The following ABR variants were observed in gnomAD, a reference collection of about 807,000 sequenced individuals.
ABR encodes the protein active breakpoint cluster region-related protein.
A neutral mutation model predicts 107.2 loss-of-function variants in ABR; 35 were observed. That is an observed-to-expected ratio of 0.33 (90% CI 0.25 to 0.43). The LOEUF (loss-of-function observed/expected upper bound fraction) is 0.43, where lower values mean the gene tolerates loss of function less well. Among genes scored for constraint, ABR ranks in the 20% least tolerant of loss-of-function variants. ABR has a pLI of 1.00. For synonymous variants in ABR, 498 were observed against 462.0 expected, an observed-to-expected ratio of 1.08 and a Z score of -1.00; for missense variants, 815 against 1,115.2, an observed-to-expected ratio of 0.73 and a Z score of 3.83.
At chr17:1,103,786 A>G (rs572596008) in intron 2 of ABR, among the ~76,000 whole-genome samples, 2 of 152,184 alleles carry the variant, frequency 1.3e-5, no homozygotes, top group East Asian at 3.9e-4. Flanking sequence ...GGCGTTGGAG[A>G]GCGTACGGAT....
intron 4 of ABR, 129 bp downstream of exon 4, chr17:1,091,536 C>A (rs1435058401): frequency 3.7e-6 from 4 of 1,081,962 alleles, no homozygotes; most frequent in Non-Finnish European, 5.3e-6. Flanking sequence ...GGCCTTCCTC[C>A]CGGACTCGGA....
intron 1 of ABR, among the ~76,000 whole-genome samples, chr17:1,204,258 G>A (rs552237312): frequency 9.2e-5 from 14 of 152,290 alleles, no homozygotes; most frequent in African/African-American, 3.1e-4. Context: ...CAGCCTGGAC[G>A]GCATGGTGAA....
At chr17:1,097,590 CAAAAAA>C in intron 3 of ABR, among the ~76,000 whole-genome samples, 1 of 104,762 alleles carries the variant, frequency 9.5e-6, no homozygotes, top group Non-Finnish European at 1.8e-5. Flanking sequence ...GACTCCGTCT[CAAAAAA>C]AAAAAAAAAA....
chr17:1,087,411 CG>C (rs924567309), intron 4 of ABR, among the ~76,000 whole-genome samples: 1 of 151,748 alleles, frequency 6.6e-6, no homozygotes, highest in Non-Finnish European at 1.5e-5. Context: ...GGCAGGGGAG[CG>C]GGGGGCATCT....
chr17:1,062,088 C>T (rs905357047), intron 10 of ABR, among the ~76,000 whole-genome samples: 1 of 152,218 alleles, frequency 6.6e-6, no homozygotes, highest in African/African-American at 2.4e-5. Context: ...GAGGCCTAAG[C>T]TGAACCTGAG....
chr17:1,030,722 T>C (rs543560541), intron 16 of ABR, among the ~76,000 whole-genome samples: 2 of 152,372 alleles, frequency 1.3e-5, no homozygotes, highest in Non-Finnish European at 2.9e-5. Context: ...AGAGAGGTCC[T>C]GTGAGCCTCA....
At chr17:1,111,197 G>A (rs2038655498) in intron 2 of ABR, among the ~76,000 whole-genome samples, 1 of 152,124 alleles carries the variant, frequency 6.6e-6, no homozygotes, top group Admixed American at 6.5e-5. Flanking sequence ...AAGTCTGCCA[G>A]GATATCCTCG....
At chr17:1,012,256 C>G (rs1302453296) in intron 18 of ABR, 2 of 663,780 alleles carry the variant, frequency 3.0e-6, no homozygotes, top group Non-Finnish European at 5.5e-6. Context: ...AGAACGTCCC[C>G]CAGATTCAGA....
chr17:1,160,971 C>T (rs190084095), intron 1 of ABR, among the ~76,000 whole-genome samples: 13 of 152,320 alleles, frequency 8.5e-5, no homozygotes, highest in East Asian at 3.9e-4. Context: ...GTGCTGCAGA[C>T]GGTGCCTTCT....
intron 18 of ABR, chr17:1,012,457 G>C (rs2070686061): frequency 1.4e-6 from 1 of 695,334 alleles, no homozygotes; most frequent in African/African-American, 1.8e-5. Context: ...CAGACGATCT[G>C]GGATCTCACA....
At chr17:1,076,742 G>C (rs1238732090) in intron 6 of ABR, among the ~76,000 whole-genome samples, 2 of 144,558 alleles carry the variant, frequency 1.4e-5, no homozygotes, top group African/African-American at 2.8e-5. Flanking sequence ...GGGGGGTGGC[G>C]GCACTGGGAC....
chr17:1,018,700 A>G lies in ABR; in HGVS notation c.1792-5536T>C, dbSNP rs376697122. 3.9e-5 allele frequency among the ~76,000 whole-genome samples: 6 copies of G among 152,216 alleles called. No individual in the cohort carries two copies. In the East Asian group the frequency reaches 7.7e-4, roughly 20 times the overall value. Reference sequence around the variant, plus strand: ...AGGCCTTTCACCTCCGTGAACTTCAATTTCCTCATGGAGGCATCCACACCT... The same window carrying G: ...AGGCCTTTCACCTCCGTGAACTTCAGTTTCCTCATGGAGGCATCCACACCT... On this transcript the variant is annotated intron_variant, in intron 16 of 22. Coordinates refer to ENST00000302538, the MANE Select transcript of ABR (RefSeq NM_021962.5).
Position 1,118,003 on chromosome 17 carries a change from C to A in ABR, c.246+7180G>T, listed in dbSNP as rs2039115577. Among the ~76,000 whole-genome samples the A allele has an allele frequency of 9.6e-5, 8 of 83,208 alleles. No homozygotes were observed. The East Asian group carries it at 1.6e-3, about 17-fold the overall frequency. 54.6% of individuals were successfully genotyped at this position (83,208 alleles called of 152,430 possible). A position where few individuals can be genotyped will look rare whatever the true frequency, so the allele number is the denominator to read the frequency against. ...AGCCTGAGTTCCTCCCAGCGTTATCCCTGAGCCTGAGTTCTCCCCAGCGTT... is the reference window on the plus strand; with the variant it reads ...AGCCTGAGTTCCTCCCAGCGTTATCACTGAGCCTGAGTTCTCCCCAGCGTT... On this transcript the variant is annotated intron_variant, in intron 2 of 22. Transcript: ENST00000302538.
At chr17:1,073,428 A>G (rs1230301305) in intron 7 of ABR, among the ~76,000 whole-genome samples, 197 bp downstream of exon 7, 2 of 152,062 alleles carry the variant, frequency 1.3e-5, no homozygotes, top group African/African-American at 4.8e-5. Context: ...TGGCCACGTC[A>G]AGCTTAGTAG....
rs532378740 is a variant in ABR at position 1,161,850 on chromosome 17, C to T, written c.61+17817G>A. ...GATGACAGGTGTGAGCCACAGCGCC[C>T]GGCCAGAAGTCACTCCTTTTACAGC... On this transcript the variant is annotated intron_variant, in intron 1 of 22. Transcript: ENST00000302538. Among the ~76,000 whole-genome samples the T allele has an allele frequency of 8.3e-4, 126 of 152,300 alleles. No individual in the cohort carries two copies. The Middle Eastern group carries it at 0.01, about 12-fold the overall frequency.
At chr17:1,091,261 G>A (rs990877735) in intron 4 of ABR, among the ~76,000 whole-genome samples, 27 of 152,028 alleles carry the variant, frequency 1.8e-4, no homozygotes, top group Non-Finnish European at 3.2e-4. Context: ...TTCATTCCAG[G>A]GCTGGTTCCT....
At chr17:1,125,538 G>A (rs2039560553) in intron 1 of ABR, 171 bp from the exon 2 acceptor site, 2 of 517,310 alleles carry the variant, frequency 3.9e-6, no homozygotes, top group Non-Finnish European at 3.1e-6. Context: ...AGGGGCGGGG[G>A]AGAGCCAGCA....
At chr17:1,191,933 T>C (rs2042446116), upstream of ABR, among the ~76,000 whole-genome samples, 3 of 152,206 alleles carry the variant, frequency 2.0e-5, no homozygotes, top group Non-Finnish European at 2.9e-5. Flanking sequence ...GAGCACAGCC[T>C]GAATCCAGCT....
At chr17:1,127,088 G>A (rs1007743199) in intron 1 of ABR, among the ~76,000 whole-genome samples, 2 of 152,150 alleles carry the variant, frequency 1.3e-5, no homozygotes, top group African/African-American at 4.8e-5. Context: ...TTTGGCAGCC[G>A]AGCGCTTCCC....
Sources: gnomAD v4.1 joint callset for allele counts (sites outside exome capture counted in the v4.1 genomes callset) on GRCh38, gnomAD v4.1.1 for gene constraint, MANE v1.5 for transcripts, NCBI Gene and HGNC (gene_info 2026-07-23, HGNC 2026-07-21) for gene names.